Variants in MIPEP observed in about 807,000 individuals in gnomAD.
MIPEP encodes mitochondrial intermediate peptidase.
A neutral mutation model predicts 90.3 loss-of-function variants in MIPEP; 79 were observed. That is an observed-to-expected ratio of 0.87 (90% confidence interval 0.73 to 1.05). The LOEUF (loss-of-function observed/expected upper bound fraction) is 1.05. Ranked by LOEUF, MIPEP falls within the 50% of genes least tolerant of loss-of-function variation. MIPEP has a pLI of 0.00. For missense variants in MIPEP, 940 were observed against 905.6 expected, an observed-to-expected ratio of 1.04 and a Z score of -0.49; for synonymous variants, 334 against 315.8, an observed-to-expected ratio of 1.06 and a Z score of -0.61.
chr13:23,871,154 T>A (rs1870788455), intron 5 of MIPEP, among the ~76,000 whole-genome samples: 1 of 152,240 alleles, frequency 6.6e-6, no homozygotes, highest in Admixed American at 6.5e-5. Flanking sequence ...CCCTGCCATG[T>A]GGCACATGGT....
rs553570480 is a variant in MIPEP, at chr13:23,829,326, G to T, written c.1653+6914C>A. Among the ~76,000 whole-genome samples, 27 of 152,182 alleles carry T rather than the reference G, an allele frequency of 1.8e-4. No homozygotes were observed. The South Asian group carries it at 4.8e-3, about 27-fold the overall frequency. ...GGCCAGGAGTTTGAGACCAGCCTGG[G>T]AAACACAGTGAAATCCTGTCTCTAT... On this transcript the variant is annotated intron_variant, in intron 14 of 18. Transcript: ENST00000382172.
At chr13:23,737,883 G>A (rs901559508) in intron 18 of MIPEP, among the ~76,000 whole-genome samples, 1 of 152,100 alleles carries the variant, frequency 6.6e-6, no homozygotes, top group Non-Finnish European at 1.5e-5. Context: ...TTAAAAAGTA[G>A]AATTATTTTA....
intron 16 of MIPEP, among the ~76,000 whole-genome samples, chr13:23,771,949 TAGG>T (rs1345373173): frequency 6.6e-6 from 1 of 152,304 alleles, no homozygotes; most frequent in South Asian, 2.1e-4. Flanking sequence ...CGTGTGCAAT[TAGG>T]AGGTGTGTCT....
intron 16 of MIPEP, among the ~76,000 whole-genome samples, chr13:23,783,771 AT>A (rs1323969955): frequency 6.6e-6 from 1 of 152,190 alleles, no homozygotes; most frequent in Non-Finnish European, 1.5e-5. Flanking sequence ...TACAAAATCA[AT>A]GTGCAAAAAT....
At chr13:23,791,493 A>C (rs969410188) in intron 16 of MIPEP, among the ~76,000 whole-genome samples, 7 of 152,008 alleles carry the variant, frequency 4.6e-5, no homozygotes, top group Non-Finnish European at 1.0e-4. Flanking sequence ...GACTTCCACA[A>C]CACCATCTAC....
chr13:23,801,196 C>T (rs147761411), intron 16 of MIPEP, among the ~76,000 whole-genome samples: 120 of 152,278 alleles, frequency 7.9e-4, no homozygotes, highest in Non-Finnish European at 1.2e-3. Flanking sequence ...CATGGGAAGG[C>T]GCTACAAAGT....
chr13:23,783,940 G>C (rs1362476530), intron 16 of MIPEP, among the ~76,000 whole-genome samples: 2 of 151,988 alleles, frequency 1.3e-5, no homozygotes, highest in Non-Finnish European at 2.9e-5. Context: ...CACTGCTCGA[G>C]GAAATAAAAG....
At chr13:23,756,311 C>T (rs1013738108) in intron 18 of MIPEP, 36 of 435,722 alleles carry the variant, frequency 8.3e-5, no homozygotes, top group African/African-American at 6.7e-4. Context: ...TCTGCCACCA[C>T]GCCCAGCTAT....
At chr13:23,849,533 C>A (rs1407993094) in intron 10 of MIPEP, among the ~76,000 whole-genome samples, 1 of 152,094 alleles carries the variant, frequency 6.6e-6, no homozygotes, top group East Asian at 1.9e-4. Flanking sequence ...TGAATAAGTC[C>A]AATAAACACT....
At chr13:23,882,220 C>A (rs572571840) in intron 2 of MIPEP, among the ~76,000 whole-genome samples, 2 of 152,216 alleles carry the variant, frequency 1.3e-5, no homozygotes, top group South Asian at 4.1e-4. Flanking sequence ...CAGGTGCCCA[C>A]CACCACGCCC....
chr13:23,850,091 C>T (rs567104897), intron 10 of MIPEP, among the ~76,000 whole-genome samples: 3 of 152,308 alleles, frequency 2.0e-5, no homozygotes, highest in Admixed American at 6.5e-5. Context: ...ACAGAATGAA[C>T]AAGATGGCCT....
At chr13:23,849,857 C>G (rs1175686551) in intron 10 of MIPEP, among the ~76,000 whole-genome samples, 1 of 152,232 alleles carries the variant, frequency 6.6e-6, no homozygotes, top group Non-Finnish European at 1.5e-5. Flanking sequence ...ATTTCAACCT[C>G]TGACGCACCT....
chr13:23,881,215 T>A (rs1028219428), intron 3 of MIPEP, among the ~76,000 whole-genome samples: 4 of 152,178 alleles, frequency 2.6e-5, no homozygotes, highest in Non-Finnish European at 5.9e-5. Context: ...AGGACACTGT[T>A]TATAGAGCAT....
chr13:23,773,650 T>A (rs997185370), intron 16 of MIPEP, among the ~76,000 whole-genome samples: 2 of 152,332 alleles, frequency 1.3e-5, no homozygotes, highest in African/African-American at 2.4e-5. Context: ...TTTTATTATA[T>A]CCATCCCAGT....
At chr13:23,824,508 C>T (rs1315043863) in intron 14 of MIPEP, among the ~76,000 whole-genome samples, 1 of 152,150 alleles carries the variant, frequency 6.6e-6, no homozygotes, top group Non-Finnish European at 1.5e-5. Flanking sequence ...CATAGTCATC[C>T]AAAACAAGAA....
chr13:23,831,873 G>A (rs1023334891), intron 14 of MIPEP, among the ~76,000 whole-genome samples: 2 of 152,288 alleles, frequency 1.3e-5, no homozygotes, highest in Non-Finnish European at 2.9e-5. Flanking sequence ...CACGGTGAAG[G>A]TGCTTAGCAT....
rs530298489 is a variant in MIPEP at position 23,853,812 on chromosome 13, C to T, written c.1106+5048G>A. Among the ~76,000 whole-genome samples, 621 of 151,790 alleles carry T rather than the reference C, an allele frequency of 4.1e-3. 4 individuals are homozygous for T. The highest frequency in any genetic ancestry group is 0.015 in the African/African-American group (602 of 41,406). On this transcript the variant is annotated intron_variant, in intron 10 of 18. Coordinates refer to ENST00000382172, the MANE Select transcript of MIPEP (RefSeq NM_005932.4). ...TGAACTCCTGACCTCGTGATCCACC[C>T]GCCTCAGCCTCCCAAAGTGCTGGGA...
rs866393841 is a variant in MIPEP at position 23,813,828 on chromosome 13, T to C, written c.1654-3904A>G. Among the ~76,000 whole-genome samples, 5 of 152,308 alleles carry C rather than the reference T, an allele frequency of 3.3e-5. No homozygotes were observed. In the Middle Eastern group the frequency reaches 0.01, roughly 311 times the overall value. ...ATGCGGAACCCACAGATACAGAAGG[T>C]TGACTGTAATTCAATTTTGCTGTAA... On this transcript the variant is annotated intron_variant, in intron 14 of 18. Coordinates refer to ENST00000382172, the MANE Select transcript of MIPEP (RefSeq NM_005932.4).
At chr13:23,874,802 G>T in intron 5 of MIPEP, 44 bp downstream of exon 5, 1 of 1,490,910 alleles carries the variant, frequency 6.7e-7, no homozygotes, top group Non-Finnish European at 9.1e-7. Context: ...TCAACTAAAT[G>T]TTAGTAAAAC....
Sources: gnomAD v4.1 joint callset for allele counts (sites outside exome capture counted in the v4.1 genomes callset) on GRCh38, gnomAD v4.1.1 for gene constraint, MANE v1.5 for transcripts, NCBI Gene and HGNC (gene_info 2026-07-23, HGNC 2026-07-21) for gene names.